Variants in TTC34 observed in about 807,000 individuals in gnomAD.
TTC34 encodes tetratricopeptide repeat domain 34.
TTC34 carries 44 observed loss-of-function variants against 40.7 expected under a neutral mutation model. The ratio of observed to expected loss-of-function variants is 1.08; its 90% confidence interval spans 0.85 to 1.39. The LOEUF is 1.39. Ranked by LOEUF, TTC34 falls within the 40% of genes most tolerant of loss-of-function variation. The probability of loss-of-function intolerance (pLI) is 0.00; values close to 1 mark genes in which losing one functional copy is unlikely to be tolerated. For missense variants in TTC34, 884 were observed against 838.0 expected (o/e 1.05, Z -0.68); for synonymous variants, 422 against 398.6 (o/e 1.06, Z -0.70).
chr1:2,801,274 G>A (rs556231605), intron 1 of TTC34, among the ~76,000 whole-genome samples: 95 of 147,630 alleles, frequency 6.4e-4, no homozygotes, highest in Non-Finnish European at 1.1e-3. Flanking sequence ...CACACCCCCC[G>A]TCAGTCCAGG....
At chr1:2,768,472 T>A (rs1368908770) in intron 6 of TTC34, among the ~76,000 whole-genome samples, 1 of 149,560 alleles carries the variant, frequency 6.7e-6, no homozygotes, top group Non-Finnish European at 1.5e-5. Context: ...CAAATAAGAA[T>A]TTGATAAGTG....
chr1:2,701,746 G>A (rs1641139944), intron 6 of TTC34, among the ~76,000 whole-genome samples: 1 of 72,632 alleles, frequency 1.4e-5, no homozygotes, highest in African/African-American at 3.9e-5. Context: ...TCAAGCCCCA[G>A]GTGAGGATCT....
At chr1:2,778,785 C>G (rs1229706886) in intron 6 of TTC34, among the ~76,000 whole-genome samples, 1 of 147,994 alleles carries the variant, frequency 6.8e-6, no homozygotes, top group Non-Finnish European at 1.5e-5. Context: ...AATTAATTAT[C>G]TTTATGTGTA....
rs1640591567 is a variant in TTC34 at position 2,690,957 on chromosome 1, G to C, written c.2227-45394C>G. 2.7e-5 allele frequency among the ~76,000 whole-genome samples: 2 copies of C among 73,960 alleles called. 1 individual carries two copies. The highest frequency in any genetic ancestry group is 8.4e-4 in the South Asian group (2 of 2,372). The allele number at this position is 73,960 out of a possible 152,430, so 48.5% of individuals were successfully genotyped here. A position where few individuals can be genotyped will look rare whatever the true frequency, so the allele number is the denominator to read the frequency against. The stretch of plus-strand genomic sequence containing the variant: ...AACCCACACCTCCAGGTGAGCATCT[G>C]ACAGACTGGAACAGCACCCACACCC... On this transcript the variant is annotated intron_variant, in intron 6 of 8. Transcript: ENST00000401095.
At chr1:2,787,533 G>A (rs1023262687) in exon 4 of TTC34, 2 of 1,534,988 alleles carry the variant, frequency 1.3e-6, no homozygotes, top group African/African-American at 1.4e-5. Context: ...GGCCAGTCGT[G>A]CCAGCACAGG....
chr1:2,776,489 G>A (rs982194692), intron 6 of TTC34: 1 of 70,222 alleles, frequency 1.4e-5, no homozygotes, highest in Non-Finnish European at 2.5e-5. Context: ...CCCCCTTCAG[G>A]TGAGCATCTG....
At chr1:2,784,796 A>G (rs1043204310) in intron 5 of TTC34, among the ~76,000 whole-genome samples, 4 of 152,192 alleles carry the variant, frequency 2.6e-5, no homozygotes, top group African/African-American at 9.7e-5. Flanking sequence ...TATCATGACT[A>G]TTCTTATTCT....
chr1:2,650,111 C>G (rs1175967520), intron 6 of TTC34, among the ~76,000 whole-genome samples: 1 of 151,178 alleles, frequency 6.6e-6, no homozygotes, highest in Non-Finnish European at 1.5e-5. Context: ...GAACATCTGA[C>G]AGCCTGGAAT....
intron 7 of TTC34, among the ~76,000 whole-genome samples, chr1:2,644,796 C>T (rs1210926805): frequency 6.6e-6 from 1 of 152,180 alleles, no homozygotes; most frequent in Admixed American, 6.5e-5. Flanking sequence ...AGCCCTGGGG[C>T]CCCTGAAGCC....
At chr1:2,683,159 G>C (rs541153082) in intron 6 of TTC34, among the ~76,000 whole-genome samples, 57 of 134,666 alleles carry the variant, frequency 4.2e-4, no homozygotes, top group African/African-American at 1.6e-3. Context: ...AGCCCCAGGA[G>C]AGCATCCGGC....
At chr1:2,647,575 G>A (rs562341910) in intron 6 of TTC34, among the ~76,000 whole-genome samples, 45 of 152,284 alleles carry the variant, frequency 3.0e-4, no homozygotes, top group African/African-American at 8.9e-4. Context: ...TGGAGGTTGC[G>A]GTGAGCTGAG....
At chr1:2,687,696 A>G (rs1203779766) in intron 6 of TTC34, among the ~76,000 whole-genome samples, 1 of 150,766 alleles carries the variant, frequency 6.6e-6, no homozygotes, top group Non-Finnish European at 1.5e-5. Context: ...CCCCCAGTTG[A>G]GCATCTGACA....
chr1:2,786,581 G>A (rs1248775695), intron 4 of TTC34, among the ~76,000 whole-genome samples: 1 of 152,198 alleles, frequency 6.6e-6, no homozygotes, highest in Admixed American at 6.5e-5. Context: ...TCCCATGGAG[G>A]TGGAGACTCC....
rs1171881456 is a variant in TTC34 at position 2,783,679 on chromosome 1, C to T, written c.2156G>A (p.Arg719Gln). 18 of 1,542,926 alleles carry T rather than the reference C, an allele frequency of 1.2e-5. No individual in the cohort carries two copies. Among genetic ancestry groups the T allele is most frequent in the African/African-American group, 2.7e-5 (2 of 72,832 alleles). The stretch of plus-strand genomic sequence containing the variant: ...TGCCTGCACGTTCCCCGGCTCAGCC[C>T]GCAGCACTGTGTTGAAGTCGAACAT... Residue 719 changes from arginine to glutamine, a missense_variant, in exon 6 of 9, where the codon CGG becomes CAG. Physicochemically the swap from Arg to Gln is conservative, Grantham distance 43. Transcript: ENST00000401095.
intron 6 of TTC34, among the ~76,000 whole-genome samples, chr1:2,688,477 G>A (rs561368932): frequency 2.7e-4 from 24 of 90,204 alleles, no homozygotes; most frequent in African/African-American, 8.9e-4. Flanking sequence ...ACATTGTGGA[G>A]CAGCACCCCA....
At chr1:2,757,091 GTAACA>G (rs1641532535) in intron 6 of TTC34, among the ~76,000 whole-genome samples, 1 of 129,090 alleles carries the variant, frequency 7.7e-6, no homozygotes, top group Non-Finnish European at 1.6e-5. Flanking sequence ...CTGACTGCAT[GTAACA>G]GCACCCACAC....
intron 6 of TTC34, among the ~76,000 whole-genome samples, chr1:2,758,028 C>G (rs1641564194): frequency 3.3e-4 from 45 of 135,912 alleles, no homozygotes; most frequent in East Asian, 8.7e-4. Context: ...TAACAGCACC[C>G]ACACCCCCAG....
At chr1:2,647,561 G>A (rs1402292274) in intron 6 of TTC34, among the ~76,000 whole-genome samples, 4 of 152,224 alleles carry the variant, frequency 2.6e-5, no homozygotes, top group Non-Finnish European at 5.9e-5. Flanking sequence ...TTGATCCCAG[G>A]AGGTGGAGGT....
chr1:2,747,800 CCCAGGTG>C (rs1641202581), intron 6 of TTC34, among the ~76,000 whole-genome samples: 1 of 107,356 alleles, frequency 9.3e-6, no homozygotes, highest in Non-Finnish European at 1.8e-5. Context: ...AGCCTGCACC[CCCAGGTG>C]CGCATGTGAT....
Sources: allele counts gnomAD v4.1 joint callset (sites outside exome capture counted in the v4.1 genomes callset), GRCh38; gene constraint gnomAD v4.1.1; transcripts MANE v1.5; gene names NCBI Gene and HGNC (gene_info 2026-07-23, HGNC 2026-07-21).